HABP2: variants seen among roughly 807,000 people sequenced by gnomAD.
The protein encoded by HABP2 is hyaluronan binding protein 2, also known as factor VII-activating protease.
Under a neutral mutation model 66.5 loss-of-function variants are expected in HABP2, and 65 were observed. The ratio of observed to expected loss-of-function variants is 0.98; its 90% CI spans 0.80 to 1.20. HABP2 has a LOEUF of 1.20. HABP2 is among the 50% of genes most tolerant of loss of function. The pLI, the probability that HABP2 is intolerant of heterozygous loss-of-function variation, is 0.00. For missense variants in HABP2, 786 were observed against 691.0 expected (o/e 1.14, Z -1.54); for synonymous variants, 263 against 253.9 (o/e 1.04, Z -0.34).
At chr10:113,557,597 C>G (rs7076012) in intron 1 of HABP2, among the ~76,000 whole-genome samples, 150,541 of 152,272 alleles carry the variant, frequency 0.99, 74,429 homozygotes, top group Non-Finnish European at 1. Context: ...AAATGGTTGG[C>G]GGGGAGGGGG....
Position 113,578,638 on chromosome 10 carries a change from T to A in HABP2, c.580T>A (p.Cys194Ser), listed in dbSNP as rs774459136. The stretch of plus-strand genomic sequence containing the variant: ...CTGCTCTCTCGGAGGTTCTGATGAC[T>A]GCTATGTTGGCGATGGCTACTCTTA... ...GKFCEIGSDD[C>S]YVGDGYSYRG... The change falls in exon 7 of 13, where the codon TGC becomes AGC. Residue 194 changes from cysteine to serine, a missense_variant. Cys to Ser is a moderately radical substitution (Grantham distance 112). Coordinates refer to ENST00000351270, the MANE Select transcript of HABP2 (RefSeq NM_004132.5). 1 of 1,612,846 alleles carries A rather than the reference T, an allele frequency of 6.2e-7. No homozygotes were observed. Among genetic ancestry groups the A allele is most frequent in the Non-Finnish European group, 8.5e-7 (1 of 1,179,002 alleles).
chr10:113,573,844 T>C (rs1251212415), intron 2 of HABP2, among the ~76,000 whole-genome samples: 1 of 152,192 alleles, frequency 6.6e-6, no homozygotes, highest in African/African-American at 2.4e-5. Context: ...AGAAATATTA[T>C]CCACAGGATG....
intron 2 of HABP2, among the ~76,000 whole-genome samples, chr10:113,571,524 C>A (rs888128609): frequency 6.6e-6 from 1 of 151,942 alleles, no homozygotes; most frequent in Non-Finnish European, 1.5e-5. Flanking sequence ...CTAAGGCCAA[C>A]CCAGAACCAA....
chr10:113,551,516 G>A (rs1440425544), upstream of HABP2, among the ~76,000 whole-genome samples: 1 of 152,140 alleles, frequency 6.6e-6, no homozygotes, highest in Non-Finnish European at 1.5e-5. Context: ...TCTAGGAAAA[G>A]GGACTACAGC....
chr10:113,578,924 G>A, intron 7 of HABP2, 126 bp downstream of exon 7: 1 of 668,102 alleles, frequency 1.5e-6, no homozygotes, highest in East Asian at 2.6e-5. Context: ...TGCTGCTGTA[G>A]TAAACAACTG....
intron 2 of HABP2, among the ~76,000 whole-genome samples, chr10:113,567,769 T>G (rs1257359328): frequency 6.6e-6 from 1 of 152,190 alleles, no homozygotes; most frequent in African/African-American, 2.4e-5. Flanking sequence ...ACTGCCTACG[T>G]ACTTAAAACC....
intron 2 of HABP2, 67 bp from the exon 3 acceptor site, chr10:113,574,222 A>G (rs1845365597): frequency 1.2e-6 from 1 of 812,858 alleles, no homozygotes; most frequent in Non-Finnish European, 2.1e-6. Flanking sequence ...GTGTCCAACT[A>G]AATAAAATGC....
At chr10:113,556,351 AT>A (rs1303583168) in intron 1 of HABP2, among the ~76,000 whole-genome samples, 1 of 152,114 alleles carries the variant, frequency 6.6e-6, no homozygotes, top group Non-Finnish European at 1.5e-5. Flanking sequence ...AAAATCAGAC[AT>A]TTGAGTAGCA....
intron 1 of HABP2, among the ~76,000 whole-genome samples, chr10:113,557,499 C>T (rs1256041067): frequency 6.6e-6 from 1 of 152,104 alleles, no homozygotes; most frequent in East Asian, 1.9e-4. Flanking sequence ...GAATATTTGG[C>T]AGCCGGGATT....
At chr10:113,586,808 A>G (rs1845645345) in intron 12 of HABP2, among the ~76,000 whole-genome samples, 1 of 152,172 alleles carries the variant, frequency 6.6e-6, no homozygotes, top group African/African-American at 2.4e-5. Context: ...CAACTCCTTC[A>G]GGGAGCCTCC....
At chr10:113,551,902 G>A (rs1236471042), upstream of HABP2, among the ~76,000 whole-genome samples, 1 of 151,998 alleles carries the variant, frequency 6.6e-6, no homozygotes, top group Non-Finnish European at 1.5e-5. Context: ...TAGGAGGCGG[G>A]GTGGGGGGAG....
In HABP2 at chr10:113,588,781, C is replaced by T; in HGVS notation, c.*412C>T. 2 of 586,518 alleles carry T rather than the reference C, an allele frequency of 3.4e-6. No individual in the cohort carries two copies. Among genetic ancestry groups the T allele is most frequent in the South Asian group, 4.4e-5 (2 of 45,312 alleles). The allele number at this position is 586,518 out of a possible 1,614,324, so 36.3% of individuals were successfully genotyped here. On this transcript the variant is annotated 3_prime_UTR_variant, in exon 13 of 13. Coordinates refer to ENST00000351270, the MANE Select transcript of HABP2 (RefSeq NM_004132.5). Reference sequence around the variant, plus strand: ...ACTCGAGGCACTCAACAGAATCAGCCATCCACGTCTAGGTATCAGAGAGGA... The same window carrying T: ...ACTCGAGGCACTCAACAGAATCAGCTATCCACGTCTAGGTATCAGAGAGGA...
chr10:113,581,508 G>A lies in HABP2; in HGVS notation c.839-368G>A, dbSNP rs11575770. On this transcript the variant is annotated intron_variant, in intron 8 of 12. Coordinates refer to ENST00000351270, the MANE Select transcript of HABP2 (RefSeq NM_004132.5). ...TGTAAGTGTGCACTAATAATGAAAG[G>A]TGCATTGATGATGCACATTTATAAT... Among the ~76,000 whole-genome samples, 1,343 of 152,250 alleles carry A rather than the reference G, an allele frequency of 8.8e-3. 21 individuals carry two copies. Among genetic ancestry groups the A allele is most frequent in the African/African-American group, 0.031 (1,280 of 41,540 alleles).
intron 6 of HABP2, 123 bp downstream of exon 6, chr10:113,578,268 C>T: frequency 9.3e-7 from 1 of 1,075,298 alleles, no homozygotes; most frequent in Non-Finnish European, 1.4e-6. Context: ...CCTCAGCCTT[C>T]TCACCTAAAG....
chr10:113,575,694 C>CCTGAATCCCTCTCTCTGGTCAGGTGA (rs1441031138), intron 3 of HABP2, among the ~76,000 whole-genome samples: 2 of 152,174 alleles, frequency 1.3e-5, no homozygotes, highest in African/African-American at 4.8e-5. Flanking sequence ...CTCTCACTAA[C>CCTGAATCCCTCTCTCTGGTCAGGTGA]CTGAATCCCT....
chr10:113,567,465 C>T, intron 1 of HABP2, 24 bp from the exon 2 acceptor site: 2 of 1,603,672 alleles, frequency 1.2e-6, no homozygotes, highest in East Asian at 4.5e-5. Flanking sequence ...CAACGCTGAT[C>T]TGCTGTGTTG....
intron 1 of HABP2, among the ~76,000 whole-genome samples, chr10:113,555,220 C>G (rs915656137): frequency 6.6e-6 from 1 of 152,222 alleles, no homozygotes; most frequent in African/African-American, 2.4e-5. Context: ...CTACTATGCT[C>G]CCATTTTACA....
chr10:113,583,114 G>T, intron 9 of HABP2, 102 bp from the exon 10 acceptor site: 3 of 947,128 alleles, frequency 3.2e-6, no homozygotes, highest in South Asian at 3.1e-5. Flanking sequence ...TGAGACGAGG[G>T]TTACAAATGA....
chr10:113,576,285 TG>T (rs1845408071), intron 4 of HABP2, among the ~76,000 whole-genome samples: 2 of 152,264 alleles, frequency 1.3e-5, no homozygotes, highest in South Asian at 4.1e-4. Context: ...CTCAGGACTT[TG>T]TGCTTAGAGT....
Sources: gnomAD v4.1 joint callset for allele counts (sites outside exome capture counted in the v4.1 genomes callset) on GRCh38, gnomAD v4.1.1 for gene constraint, MANE v1.5 for transcripts, NCBI Gene and HGNC (gene_info 2026-07-23, HGNC 2026-07-21) for gene names.